Variants in ST8SIA4 observed in about 807,000 individuals in gnomAD.
ST8SIA4 encodes the protein CMP-N-acetylneuraminate-poly-alpha-2,8-sialyltransferase.
Under a neutral mutation model 33.9 loss-of-function variants are expected in ST8SIA4, and 15 were observed. The observed-to-expected ratio is 0.44, with a 90% CI of 0.30 to 0.68. The LOEUF (loss-of-function observed/expected upper bound fraction) is 0.68, where lower values mean the gene tolerates loss of function less well. Among genes scored for constraint, ST8SIA4 ranks in the 30% least tolerant of loss-of-function variants. The pLI, the probability that ST8SIA4 is intolerant of heterozygous loss-of-function variation, is 0.10. For missense variants in ST8SIA4, 321 were observed against 428.0 expected, an observed-to-expected ratio of 0.75 and a Z score of 2.21; for synonymous variants, 171 against 151.2, an observed-to-expected ratio of 1.13 and a Z score of -0.96.
intron 4 of ST8SIA4, among the ~76,000 whole-genome samples, chr5:100,815,919 C>T (rs1750906797): frequency 6.6e-6 from 1 of 152,152 alleles, no homozygotes; most frequent in Non-Finnish European, 1.5e-5. Flanking sequence ...AGCAATACTA[C>T]TTGGCTCTCA....
rs531834828 is a variant in ST8SIA4, at chr5:100,850,419, G to T, written c.797+5684C>A. ...AAAATGGTACATATATATTACTTTT[G>T]TTATAGTAGAATTTAAAAAAGTAAA... is the stretch of plus-strand genomic sequence containing the variant. On this transcript the variant is annotated intron_variant, in intron 4 of 4. Coordinates refer to ENST00000231461, the MANE Select transcript of ST8SIA4 (RefSeq NM_005668.6). 1.3e-4 allele frequency among the ~76,000 whole-genome samples: 20 copies of T among 150,594 alleles called. 1 individual carries two copies. Among genetic ancestry groups the T allele is most frequent in the Non-Finnish European group, 2.2e-4 (15 of 67,740 alleles).
chr5:100,831,786 G>T (rs779401545), intron 4 of ST8SIA4, among the ~76,000 whole-genome samples: 13 of 151,916 alleles, frequency 8.6e-5, no homozygotes, highest in Non-Finnish European at 1.6e-4. Flanking sequence ...AGGGTCAGGG[G>T]GCTCAAAAAA....
At chr5:100,893,274 C>G in intron 2 of ST8SIA4, among the ~76,000 whole-genome samples, 1 of 152,050 alleles carries the variant, frequency 6.6e-6, no homozygotes, top group East Asian at 1.9e-4. Flanking sequence ...CTGATTAATA[C>G]TCACTAGTCA....
chr5:100,846,798 G>A (rs1396957221), intron 4 of ST8SIA4, among the ~76,000 whole-genome samples: 1 of 152,082 alleles, frequency 6.6e-6, no homozygotes, highest in East Asian at 1.9e-4. Flanking sequence ...CCAGAACTGG[G>A]AAGCATATTG....
At chr5:100,897,133 GAC>G (rs1355514880) in intron 1 of ST8SIA4, among the ~76,000 whole-genome samples, 3 of 152,116 alleles carry the variant, frequency 2.0e-5, no homozygotes, top group Non-Finnish European at 4.4e-5. Flanking sequence ...TTGGTGGAGA[GAC>G]AGAGATTATA....
At chr5:100,892,834 T>C (rs1752703070) in intron 2 of ST8SIA4, among the ~76,000 whole-genome samples, 1 of 151,832 alleles carries the variant, frequency 6.6e-6, no homozygotes, top group Admixed American at 6.6e-5. Context: ...CCCGGGCCTG[T>C]CGGGAGGTGA....
rs1182341556 is a variant in ST8SIA4, at chr5:100,808,732, C to G, written c.*3115G>C. ...CTCCGCTATTGGTTAAATCTCAACT[C>G]TTTTTCTTATTCTTGCCATTAGCCT... On this transcript the variant is annotated 3_prime_UTR_variant, in exon 5 of 5. Coordinates refer to ENST00000231461, the MANE Select transcript of ST8SIA4 (RefSeq NM_005668.6). 2 of 152,624 alleles carry G rather than the reference C, an allele frequency of 1.3e-5. No homozygotes were observed. The highest frequency in any genetic ancestry group is 2.1e-4 in the South Asian group (1 of 4,836). 9.5% of individuals were successfully genotyped at this position (152,624 alleles called of 1,614,324 possible). A position where few individuals can be genotyped will look rare whatever the true frequency, so the allele number is the denominator to read the frequency against.
intron 3 of ST8SIA4, chr5:100,885,626 A>T (rs1202040558): frequency 1.1e-6 from 1 of 936,446 alleles, no homozygotes; most frequent in Middle Eastern, 5.6e-4. Flanking sequence ...CAATCCAAAA[A>T]AACTGTACAG....
intron 2 of ST8SIA4, among the ~76,000 whole-genome samples, chr5:100,889,728 G>T (rs1752618222): frequency 2.0e-5 from 3 of 151,846 alleles, no homozygotes; most frequent in African/African-American, 7.2e-5. Flanking sequence ...AGTTTTAAAA[G>T]ACATCATATT....
In ST8SIA4 at chr5:100,903,147, C is replaced by A. The variant is rs1274733086; in HGVS notation, c.-192G>T. The A allele has an allele frequency of 3.4e-6, 2 of 584,494 alleles. No homozygotes were observed. The highest frequency in any genetic ancestry group is 6.1e-6 in the Non-Finnish European group (2 of 329,686). 36.2% of individuals were successfully genotyped at this position (584,494 alleles called of 1,614,324 possible). A position where few individuals can be genotyped will look rare whatever the true frequency, so the allele number is the denominator to read the frequency against. On this transcript the variant is annotated 5_prime_UTR_variant, in exon 1 of 5. Transcript: ENST00000231461. ...CCTCTGGTCCTCGAACGCTGCCCAGCGACCTCTCGCCCTGTTTGCGCCAGC... is the reference window on the plus strand; with the variant it reads ...CCTCTGGTCCTCGAACGCTGCCCAGAGACCTCTCGCCCTGTTTGCGCCAGC...
chr5:100,897,461 TA>T, intron 1 of ST8SIA4, among the ~76,000 whole-genome samples: 1 of 152,228 alleles, frequency 6.6e-6, no homozygotes, highest in East Asian at 1.9e-4. Flanking sequence ...TATTTGTATT[TA>T]TTTCTTTACA....
chr5:100,825,429 G>C (rs1340260987), intron 4 of ST8SIA4, among the ~76,000 whole-genome samples: 1 of 152,190 alleles, frequency 6.6e-6, no homozygotes, highest in Non-Finnish European at 1.5e-5. Context: ...GTGCATTAGT[G>C]TCTGCCTAGG....
chr5:100,901,606 G>A (rs1180882213), intron 1 of ST8SIA4, among the ~76,000 whole-genome samples: 1 of 152,156 alleles, frequency 6.6e-6, no homozygotes, highest in African/African-American at 2.4e-5. Context: ...AATAGACCAT[G>A]TATAGATTCG....
At chr5:100,882,924 C>T (rs1047423644) in intron 3 of ST8SIA4, among the ~76,000 whole-genome samples, 1 of 152,178 alleles carries the variant, frequency 6.6e-6, no homozygotes, top group Admixed American at 6.5e-5. Flanking sequence ...GCTGCAGGGG[C>T]GGGGTGCTCA....
chr5:100,858,583 G>A (rs1390507930), intron 3 of ST8SIA4, among the ~76,000 whole-genome samples: 7 of 151,934 alleles, frequency 4.6e-5, no homozygotes, highest in Admixed American at 4.6e-4. Flanking sequence ...TGATTTTCTG[G>A]TCATGAATTT....
chr5:100,812,166 T>C, intron 4 of ST8SIA4, 37 bp from the exon 5 acceptor site: 3 of 1,581,236 alleles, frequency 1.9e-6, no homozygotes, highest in Non-Finnish European at 2.6e-6. Flanking sequence ...AAGAGAAGAA[T>C]TTAGACACAC....
At chr5:100,891,498 C>T (rs563266871) in intron 2 of ST8SIA4, among the ~76,000 whole-genome samples, 1 of 152,022 alleles carries the variant, frequency 6.6e-6, no homozygotes, top group East Asian at 1.9e-4. Context: ...TTTAGGATTT[C>T]TAAGTCCTAG....
intron 4 of ST8SIA4, among the ~76,000 whole-genome samples, chr5:100,825,304 G>T (rs1751118172): frequency 1.3e-5 from 2 of 151,836 alleles, no homozygotes; most frequent in South Asian, 2.1e-4. Context: ...TGGAAGCAAG[G>T]GTTAAAGAAA....
chr5:100,846,960 G>A (rs1002042614), intron 4 of ST8SIA4, among the ~76,000 whole-genome samples: 2 of 152,088 alleles, frequency 1.3e-5, no homozygotes, highest in South Asian at 2.1e-4. Flanking sequence ...GTGACTGAAG[G>A]GTAACCAGAT....
Sources: gnomAD v4.1 joint callset for allele counts (sites outside exome capture counted in the v4.1 genomes callset) on GRCh38, gnomAD v4.1.1 for gene constraint, MANE v1.5 for transcripts, NCBI Gene and HGNC (gene_info 2026-07-23, HGNC 2026-07-21) for gene names.